The following FNIP2 variants were observed in gnomAD, a reference collection of about 807,000 sequenced individuals.
The protein encoded by FNIP2 is folliculin-interacting protein 2.
Under a neutral mutation model 108.7 loss-of-function variants are expected in FNIP2, and 32 were observed. The ratio of observed to expected loss-of-function variants is 0.29; its 90% confidence interval spans 0.22 to 0.40. The LOEUF is 0.40. Ranked by LOEUF, FNIP2 falls within the 10% of genes least tolerant of loss-of-function variation. The pLI, the probability that FNIP2 is intolerant of heterozygous loss-of-function variation, is 1.00. For missense variants in FNIP2, 1,202 were observed against 1,381.6 expected (o/e 0.87, Z 2.06); for synonymous variants, 480 against 496.7 (o/e 0.97, Z 0.45).
intron 1 of FNIP2, among the ~76,000 whole-genome samples, chr4:158,802,429 T>C (rs918268170): frequency 2.6e-5 from 4 of 152,204 alleles, no homozygotes; most frequent in African/African-American, 9.6e-5. Flanking sequence ...GAAAGATTCA[T>C]TATTGCAAGA....
intron 14 of FNIP2, among the ~76,000 whole-genome samples, chr4:158,888,148 A>G (rs1213707671): frequency 6.6e-6 from 1 of 152,216 alleles, no homozygotes; most frequent in Non-Finnish European, 1.5e-5. Context: ...TTCTTCCTTT[A>G]AAAGGTGTTT....
intron 7 of FNIP2, 140 bp from the exon 8 acceptor site, chr4:158,851,181 C>T (rs1169455475): frequency 3.0e-5 from 27 of 904,922 alleles, no homozygotes; most frequent in Admixed American, 5.6e-5. Context: ...TTTTTAGTGG[C>T]GAAGTGTACA....
Position 158,880,036 on chromosome 4 carries a change from G to A in FNIP2, c.2949+9567G>A, listed in dbSNP as rs549412468. On this transcript the variant is annotated intron_variant, in intron 14 of 16. Coordinates refer to ENST00000264433, the MANE Select transcript of FNIP2 (RefSeq NM_020840.3). ...CAACCATTGTGGAAGACAGTGTGGC[G>A]ATTCCTCAAGGATCTAGAACTAGAA... Among the ~76,000 whole-genome samples, 17 of 150,266 alleles carry A rather than the reference G, an allele frequency of 1.1e-4. 3 individuals carry two copies. The South Asian group carries it at 2.1e-3, about 19-fold the overall frequency.
rs3830199 is a variant in FNIP2 at position 158,907,268 on chromosome 4, TATCA to T, written c.*2729_*2732del. On this transcript the variant is annotated 3_prime_UTR_variant, in exon 17 of 17. Coordinates refer to ENST00000264433, the MANE Select transcript of FNIP2 (RefSeq NM_020840.3). ...CATAATTCCAAAGTATTTTATTTTT[TATCA>T]ATCAGTGTTAAATAGCTTTTTGTAC... 2.6e-5 allele frequency: 4 copies of T among 152,272 alleles called. No homozygotes were observed. Among genetic ancestry groups the T allele is most frequent in the Non-Finnish European group, 2.9e-5 (2 of 68,046 alleles). 9.4% of individuals were successfully genotyped at this position (152,272 alleles called of 1,614,324 possible).
chr4:158,781,034 CAAAAAAA>C (rs70962632), intron 1 of FNIP2, among the ~76,000 whole-genome samples: 2 of 130,518 alleles, frequency 1.5e-5, no homozygotes, highest in African/African-American at 5.9e-5. Flanking sequence ...GAGTCCTTCT[CAAAAAAA>C]AAAAAAAAAG....
intron 8 of FNIP2, among the ~76,000 whole-genome samples, chr4:158,853,157 ATATCT>A (rs1398958078): frequency 1.3e-5 from 2 of 152,154 alleles, no homozygotes; most frequent in Non-Finnish European, 2.9e-5. Flanking sequence ...TCATTATGTG[ATATCT>A]TGTGTTGTAA....
chr4:158,856,796 C>G (rs190884563), intron 8 of FNIP2, among the ~76,000 whole-genome samples: 1 of 152,236 alleles, frequency 6.6e-6, no homozygotes, highest in East Asian at 1.9e-4. Flanking sequence ...TGTACCTTCT[C>G]TGGTGACATG....
chr4:158,871,141 T>A (rs1780923669), intron 14 of FNIP2, among the ~76,000 whole-genome samples: 1 of 152,234 alleles, frequency 6.6e-6, no homozygotes, highest in African/African-American at 2.4e-5. Flanking sequence ...AGGATGACTG[T>A]ATAAAGATTA....
At chr4:158,889,700 T>C (rs1782190135) in intron 14 of FNIP2, 4 of 418,176 alleles carry the variant, frequency 9.6e-6, no homozygotes, top group South Asian at 2.0e-4. Context: ...GTCTCTAATA[T>C]AGATCTGTCC....
chr4:158,858,295 A>G (rs907676048), intron 8 of FNIP2, among the ~76,000 whole-genome samples: 9 of 152,130 alleles, frequency 5.9e-5, no homozygotes, highest in African/African-American at 2.2e-4. Context: ...GTAGGAAAAA[A>G]CTATTTTATT....
chr4:158,851,575 C>A, intron 8 of FNIP2, 125 bp downstream of exon 8: 1 of 1,187,886 alleles, frequency 8.4e-7, no homozygotes, highest in Non-Finnish European at 1.2e-6. Context: ...TTAGCTTCAG[C>A]TGAGCCTGAA....
chr4:158,891,550 C>T lies in FNIP2; in HGVS notation c.3054C>T (p.Asn1018=), dbSNP rs968607089. The T allele has an allele frequency of 1.2e-6, 2 of 1,611,842 alleles. No individual in the cohort carries two copies. The highest frequency in any genetic ancestry group is 1.7e-6 in the Non-Finnish European group (2 of 1,178,966). ...VATSQRKVTD[N]MKLGQDVLVS... is the part of the protein sequence containing the mutation. Reference sequence around the variant, plus strand: ...CAAGTCAGAGGAAAGTGACGGACAACATGAAACTAGGCCAGGATGTCCTGG... The same window carrying T: ...CAAGTCAGAGGAAAGTGACGGACAATATGAAACTAGGCCAGGATGTCCTGG... Residue 1018 remains asparagine (N), a synonymous_variant, in exon 15 of 17, where the codon AAC becomes AAT. Coordinates refer to ENST00000264433, the MANE Select transcript of FNIP2 (RefSeq NM_020840.3).
chr4:158,902,509 C>T (rs1320514106), intron 16 of FNIP2, among the ~76,000 whole-genome samples: 1 of 152,226 alleles, frequency 6.6e-6, no homozygotes, highest in African/African-American at 2.4e-5. Flanking sequence ...AGAGCTCAAA[C>T]GCTGTGTGGG....
intron 14 of FNIP2, among the ~76,000 whole-genome samples, chr4:158,882,056 G>T (rs1043488233): frequency 6.0e-5 from 9 of 151,200 alleles, no homozygotes; most frequent in Non-Finnish European, 1.3e-4. Flanking sequence ...GAGATGTGGG[G>T]AGTGCCTCTG....
At chr4:158,774,283 A>G (rs1775790240) in intron 1 of FNIP2, among the ~76,000 whole-genome samples, 1 of 152,148 alleles carries the variant, frequency 6.6e-6, no homozygotes, top group East Asian at 1.9e-4. Context: ...TTTTATTTTA[A>G]TTTTTTGTGT....
intron 7 of FNIP2, among the ~76,000 whole-genome samples, chr4:158,838,441 G>A (rs979668317): frequency 2.0e-5 from 3 of 152,010 alleles, no homozygotes; most frequent in Non-Finnish European, 4.4e-5. Flanking sequence ...GGCTGGTCTG[G>A]AATTCCTGAG....
intron 6 of FNIP2, 38 bp from the exon 7 acceptor site, chr4:158,835,367 G>T (rs775229143): frequency 5.7e-6 from 9 of 1,584,958 alleles, no homozygotes; most frequent in Non-Finnish European, 7.8e-6. Flanking sequence ...TATCTCTGAA[G>T]AGCCCAATAA....
intron 1 of FNIP2, among the ~76,000 whole-genome samples, chr4:158,771,512 A>G (rs1271262512): frequency 1.3e-5 from 2 of 152,224 alleles, no homozygotes; most frequent in Non-Finnish European, 2.9e-5. Context: ...GAGGGGAACA[A>G]GGTGCCTTAT....
intron 16 of FNIP2, 29 bp downstream of exon 16, chr4:158,895,894 C>A (rs776592458): frequency 1.3e-6 from 2 of 1,489,542 alleles, no homozygotes; most frequent in Non-Finnish European, 1.9e-6. Context: ...CGTCACTTGT[C>A]CCTTTGATAG....
Sources: allele counts gnomAD v4.1 joint callset (sites outside exome capture counted in the v4.1 genomes callset), GRCh38; gene constraint gnomAD v4.1.1; transcripts MANE v1.5; gene names NCBI Gene and HGNC (gene_info 2026-07-23, HGNC 2026-07-21).